The following KIAA2012 variants were observed in gnomAD, a reference collection of about 807,000 sequenced individuals.
KIAA2012 encodes the protein uncharacterized protein KIAA2012.
A neutral mutation model predicts 150.6 loss-of-function variants in KIAA2012; 125 were observed. That is an observed-to-expected ratio of 0.83 (90% CI 0.72 to 0.96). The LOEUF (loss-of-function observed/expected upper bound fraction) is 0.96, where lower values mean the gene tolerates loss of function less well. KIAA2012 is among the 40% of genes least tolerant of loss of function. The pLI, the probability that KIAA2012 is intolerant of heterozygous loss-of-function variation, is 0.00. For synonymous variants in KIAA2012, 462 were observed against 504.7 expected, an observed-to-expected ratio of 0.92 and a Z score of 1.13; for missense variants, 1,219 against 1,354.9, an observed-to-expected ratio of 0.90 and a Z score of 1.57.
intron 19 of KIAA2012, among the ~76,000 whole-genome samples, chr2:202,192,012 T>C (rs1207868813): frequency 6.6e-6 from 1 of 152,242 alleles, no homozygotes; most frequent in Admixed American, 6.5e-5. Flanking sequence ...TTACTTATTT[T>C]ATGGCTCATG....
At chr2:202,091,868 A>G (rs1314831969) in intron 3 of KIAA2012, among the ~76,000 whole-genome samples, 1 of 152,220 alleles carries the variant, frequency 6.6e-6, no homozygotes, top group Non-Finnish European at 1.5e-5. Flanking sequence ...GAGGAAGAAG[A>G]GAAAGCAATT....
intron 14 of KIAA2012, among the ~76,000 whole-genome samples, chr2:202,162,065 G>GTT (rs5837807): frequency 1.3e-4 from 19 of 149,168 alleles, no homozygotes; most frequent in Admixed American, 2.7e-4. Context: ...TATTCAGAAG[G>GTT]TTTTTTTTTT....
chr2:202,110,573 G>C (rs925582857), intron 10 of KIAA2012, among the ~76,000 whole-genome samples: 3 of 152,202 alleles, frequency 2.0e-5, no homozygotes, highest in Non-Finnish European at 4.4e-5. Context: ...TGAAGGAGAT[G>C]ACATGTGTTT....
intron 13 of KIAA2012, among the ~76,000 whole-genome samples, chr2:202,152,763 A>T (rs1037811180): frequency 1.3e-5 from 2 of 152,216 alleles, no homozygotes; most frequent in Admixed American, 1.3e-4. Context: ...ATTTCAAAGC[A>T]AAAGAAAAGG....
rs1691400587 is a variant in KIAA2012 at position 202,150,442 on chromosome 2, T to A, written c.1909-4231T>A. Reference sequence around the variant, plus strand: ...TGGGGTTTTTTTGTTTGTTTTTTTGTTTTTTGTTTTTTGTGTTTTTTTTTG... The same window carrying A: ...TGGGGTTTTTTTGTTTGTTTTTTTGATTTTTGTTTTTTGTGTTTTTTTTTG... On this transcript the variant is annotated intron_variant, in intron 13 of 23. Transcript: ENST00000498697. Among the ~76,000 whole-genome samples, 3 of 144,332 alleles carry A rather than the reference T, an allele frequency of 2.1e-5. No homozygotes were observed. In the Admixed American group the frequency reaches 2.2e-4, roughly 11 times the overall value. The allele number at this position is 144,332 out of a possible 152,430, so 94.7% of individuals were successfully genotyped here. A position where few individuals can be genotyped will look rare whatever the true frequency, so the allele number is the denominator to read the frequency against.
intron 12 of KIAA2012, among the ~76,000 whole-genome samples, chr2:202,133,667 C>T (rs1691007136): frequency 6.6e-6 from 1 of 152,130 alleles, no homozygotes; most frequent in Non-Finnish European, 1.5e-5. Context: ...TTCAGGCCTC[C>T]AGCAACTATT....
At chr2:202,100,271 A>T in intron 6 of KIAA2012, 36 bp from the exon 7 acceptor site, 1 of 1,536,004 alleles carries the variant, frequency 6.5e-7, no homozygotes, top group Non-Finnish European at 8.8e-7. Context: ...CCCTACCTGC[A>T]ATTAATATAT....
At chr2:202,118,750 C>T (rs1690587493) in intron 11 of KIAA2012, among the ~76,000 whole-genome samples, 2 of 152,284 alleles carry the variant, frequency 1.3e-5, no homozygotes, top group Non-Finnish European at 2.9e-5. Context: ...CTGCATTTGT[C>T]CCAGCCTTCA....
At chr2:202,175,074 T>C (rs1359276604) in intron 15 of KIAA2012, among the ~76,000 whole-genome samples, 3 of 152,248 alleles carry the variant, frequency 2.0e-5, no homozygotes, top group Non-Finnish European at 2.9e-5. Flanking sequence ...TTAAATCTCA[T>C]TGAATTTATA....
chr2:202,188,375 G>C (rs1692269741), intron 18 of KIAA2012, 109 bp downstream of exon 18: 9 of 799,804 alleles, frequency 1.1e-5, no homozygotes. Context: ...TCTGTTTTGA[G>C]ACTTCTTGAC....
intron 19 of KIAA2012, among the ~76,000 whole-genome samples, chr2:202,191,096 G>A (rs1321497437): frequency 6.6e-6 from 1 of 152,000 alleles, no homozygotes; most frequent in Non-Finnish European, 1.5e-5. Flanking sequence ...GGCCAACATA[G>A]GGAAAGCCCG....
intron 4 of KIAA2012, among the ~76,000 whole-genome samples, chr2:202,096,052 C>G (rs188153435): frequency 3.3e-4 from 50 of 152,234 alleles, no homozygotes; most frequent in East Asian, 9.6e-4. Context: ...CCACTGCACT[C>G]CAGCCTGGGC....
intron 12 of KIAA2012, chr2:202,135,680 G>A (rs970008141): frequency 2.0e-5 from 3 of 152,212 alleles, no homozygotes; most frequent in African/African-American, 7.2e-5. Flanking sequence ...CTTTCCTTAT[G>A]CATTAGAATT....
Position 202,073,670 on chromosome 2 carries a change from G to A in KIAA2012, c.43G>A (p.Gly15Ser). 1.4e-5 allele frequency: 21 copies of A among 1,550,362 alleles called. No homozygotes were observed. Among genetic ancestry groups the A allele is most frequent in the Middle Eastern group, 1.7e-4 (1 of 5,988 alleles). ...CCTGAGCCGGGGCCACGGGAAGCTGGGCCAGGACAAACAGAAGTTAGAAGT... is the reference window on the plus strand; with the variant it reads ...CCTGAGCCGGGGCCACGGGAAGCTGAGCCAGGACAAACAGAAGTTAGAAGT... Reference protein sequence around the residue: ...SLLSRGHGKLGQDKQKLEVYF... With the variant: ...SLLSRGHGKLSQDKQKLEVYF... Residue 15 changes from glycine (G) to serine (S), a missense_variant, in exon 1 of 24, where the codon GGC becomes AGC. By Grantham distance (56) the Gly-to-Ser change is moderately conservative. Transcript: ENST00000498697.
intron 14 of KIAA2012, among the ~76,000 whole-genome samples, chr2:202,162,616 G>A (rs1366291986): frequency 2.3e-5 from 3 of 130,128 alleles, no homozygotes; most frequent in African/African-American, 8.8e-5. Context: ...ACTACATCTT[G>A]CAGTTCTACG....
At position 202,140,012 on chromosome 2, in the gene KIAA2012, G is replaced by A. The variant is rs539454300; in HGVS notation, c.1908+1504G>A. Among the ~76,000 whole-genome samples the A allele has an allele frequency of 6.6e-5, 10 of 152,178 alleles. No individual in the cohort carries two copies. The South Asian group carries it at 1.2e-3, about 19-fold the overall frequency. ...TGGGAGGCCAAGGTGGGCGGATCAC[G>A]AGGTCAGGAGTTCAAGACCAGCCTG... On this transcript the variant is annotated intron_variant, in intron 13 of 23. Coordinates refer to ENST00000498697, the MANE Select transcript of KIAA2012 (RefSeq NM_001277372.4).
chr2:202,158,388 C>T (rs1427243341), intron 14 of KIAA2012, among the ~76,000 whole-genome samples: 1 of 152,172 alleles, frequency 6.6e-6, no homozygotes, highest in Non-Finnish European at 1.5e-5. Flanking sequence ...CTTGACCTTC[C>T]AGGGAGCCTA....
chr2:202,125,637 G>A (rs1018857751), intron 12 of KIAA2012, among the ~76,000 whole-genome samples: 1 of 152,084 alleles, frequency 6.6e-6, no homozygotes, highest in Non-Finnish European at 1.5e-5. Flanking sequence ...CCCTGGAGTC[G>A]TGCATCCCTC....
At chr2:202,163,219 T>G (rs1172086785) in intron 14 of KIAA2012, among the ~76,000 whole-genome samples, 1 of 149,422 alleles carries the variant, frequency 6.7e-6, no homozygotes, top group East Asian at 2.1e-4. Context: ...TTCTCCTGCC[T>G]CAGCCTCCTG....
Sources: allele counts gnomAD v4.1 joint callset (sites outside exome capture counted in the v4.1 genomes callset), GRCh38; gene constraint gnomAD v4.1.1; transcripts MANE v1.5; gene names NCBI Gene and HGNC (gene_info 2026-07-23, HGNC 2026-07-21).